PDLIM7: variants seen among roughly 807,000 people sequenced by gnomAD.
PDLIM7 encodes the protein PDZ and LIM domain protein 7.
PDLIM7 carries 37 observed loss-of-function variants against 53.9 expected under a neutral mutation model. The observed-to-expected ratio is 0.69, with a 90% CI of 0.53 to 0.90. PDLIM7 has a LOEUF of 0.90. Ranked by LOEUF, PDLIM7 falls within the 40% of genes least tolerant of loss-of-function variation. The pLI, the probability that PDLIM7 is intolerant of heterozygous loss-of-function variation, is 0.00. For synonymous variants in PDLIM7, 300 were observed against 261.3 expected (o/e 1.15, Z -1.43); for missense variants, 617 against 638.5 (o/e 0.97, Z 0.36).
chr5:177,485,430 A>G (rs1403450804), intron 10 of PDLIM7, among the ~76,000 whole-genome samples: 1 of 152,194 alleles, frequency 6.6e-6, no homozygotes, highest in African/African-American at 2.4e-5. Flanking sequence ...TCGAGGCGGT[A>G]TGAGGGTCCA....
chr5:177,491,277 C>T, intron 5 of PDLIM7, 131 bp from the exon 6 acceptor site: 1 of 1,442,464 alleles, frequency 6.9e-7, no homozygotes, highest in Non-Finnish European at 9.5e-7. Context: ...GCCAGGAGCC[C>T]TGCTGGGCGG....
intron 9 of PDLIM7, 36 bp downstream of exon 9, chr5:177,489,357 G>GGGAAAGCCAGGGTC (rs1190543656): frequency 6.9e-7 from 1 of 1,458,980 alleles, no homozygotes; most frequent in Non-Finnish European, 9.3e-7. Context: ...GCTGCAGGAT[G>GGGAAAGCCAGGGTC]GGAAAGCCAG....
chr5:177,496,356 C>T lies in PDLIM7; in HGVS notation c.96+61G>A, dbSNP rs1197383885. The T allele has an allele frequency of 4.7e-6, 6 of 1,285,164 alleles. No homozygotes were observed. The East Asian group carries it at 1.6e-4, about 35-fold the overall frequency. The allele number at this position is 1,285,164 out of a possible 1,614,324, so 79.6% of individuals were successfully genotyped here. ...TCCTGTTAGGACTCCCCCCATCACC[C>T]TCTGGAGACCTAAGCACCGAAAGAC... On this transcript the variant is annotated intron_variant, in intron 2 of 12. Transcript: ENST00000355841.
chr5:177,490,395 G>C lies in PDLIM7; in HGVS notation c.572+475C>G, dbSNP rs73349168. Reference sequence around the variant, plus strand: ...GAGGCTCAGGCCAGGGGCACGAAAGGGGGGGTGAGGTAGGCAGAAGCTGGA... The same window carrying C: ...GAGGCTCAGGCCAGGGGCACGAAAGCGGGGGTGAGGTAGGCAGAAGCTGGA... On this transcript the variant is annotated intron_variant, in intron 7 of 12. Transcript: ENST00000355841. The C allele has an allele frequency of 2.3e-3, 3,412 of 1,487,044 alleles. 62 individuals carry two copies. The African/African-American group carries it at 0.038, about 16-fold the overall frequency. 92.1% of individuals were successfully genotyped at this position (1,487,044 alleles called of 1,614,324 possible). A position where few individuals can be genotyped will look rare whatever the true frequency, so the allele number is the denominator to read the frequency against.
chr5:177,492,521 C>T lies in PDLIM7; in HGVS notation c.248+5G>A, dbSNP rs771306853. 1.9e-6 allele frequency: 3 copies of T among 1,613,766 alleles called. No individual in the cohort carries two copies. The highest frequency in any genetic ancestry group is 2.5e-6 in the Non-Finnish European group (3 of 1,179,788). ...GGGCGCACCCATCCATGTCCACCCGCATACCTGCTGAGGCCCAGGCTGAGG... is the reference window on the plus strand; with the variant it reads ...GGGCGCACCCATCCATGTCCACCCGTATACCTGCTGAGGCCCAGGCTGAGG... On this transcript the variant is annotated splice_donor_5th_base_variant and intron_variant, in intron 3 of 12. Transcript: ENST00000355841.
chr5:177,489,586 C>T lies in PDLIM7; in HGVS notation c.676G>A (p.Val226Met). 2 of 1,608,108 alleles carry T rather than the reference C, an allele frequency of 1.2e-6. No homozygotes were observed. ...PSPTSRPPWAVDPAFAERYAP... is the reference protein window; with the variant it reads ...PSPTSRPPWAMDPAFAERYAP... ...TAGCGCTCGGCAAACGCAGGGTCCA[C>T]AGCCCAGGGCGGGCGGCTGGTAGGG... Residue 226 changes from valine (V) to methionine (M), a missense_variant, in exon 9 of 13, where the codon GTG (valine) becomes ATG (methionine). Coordinates refer to ENST00000355841, the MANE Select transcript of PDLIM7 (RefSeq NM_005451.5).
At chr5:177,490,544 C>T in intron 7 of PDLIM7, 3 of 1,567,644 alleles carry the variant, frequency 1.9e-6, no homozygotes, top group Non-Finnish European at 2.6e-6. Context: ...TGGTGCCAGT[C>T]CCGGAGGCGG....
chr5:177,490,969 G>A (rs369557748), intron 6 of PDLIM7, 41 bp downstream of exon 6: 1 of 1,613,938 alleles, frequency 6.2e-7, no homozygotes, highest in Admixed American at 1.7e-5. Flanking sequence ...CGCCTGGGCT[G>A]GGGGCGAGGA....
rs199782041 is a variant in PDLIM7, at chr5:177,491,131, C to A, written c.414G>T (p.Pro138=). 2 of 1,438,580 alleles carry A rather than the reference C, an allele frequency of 1.4e-6. No individual in the cohort carries two copies. The highest frequency in any genetic ancestry group is 1.9e-5 in the Admixed American group (1 of 53,928). The allele number at this position is 1,438,580 out of a possible 1,614,324, so 89.1% of individuals were successfully genotyped here. Residue 138 remains proline (P), a synonymous_variant, in exon 6 of 13, where the codon CCG becomes CCT. Coordinates refer to ENST00000355841, the MANE Select transcript of PDLIM7 (RefSeq NM_005451.5). ...APQQNGQPLR[P]LVPDASKQRL... ...GCTGCTTGCTGGCATCTGGGACCAGCGGTCGGAGCGGCTGTCTGTGGGGAG... is the reference window on the plus strand; with the variant it reads ...GCTGCTTGCTGGCATCTGGGACCAGAGGTCGGAGCGGCTGTCTGTGGGGAG...
intron 4 of PDLIM7, 141 bp from the exon 5 acceptor site, chr5:177,492,066 C>G: frequency 2.6e-6 from 1 of 389,940 alleles, no homozygotes; most frequent in Non-Finnish European, 4.5e-6. Context: ...TTGGAGGCTA[C>G]GGGGAGAGGA....
At position 177,490,922 on chromosome 5, in the gene PDLIM7, C is replaced by T. The variant is rs765295749; in HGVS notation, c.536-16G>A. ...GGGTCTTGCACTGAGAGGGCAGAGG[C>T]AGGCATTGACCAAAAAAGACACAGG... On this transcript the variant is annotated splice_polypyrimidine_tract_variant and intron_variant, in intron 6 of 12. Coordinates refer to ENST00000355841, the MANE Select transcript of PDLIM7 (RefSeq NM_005451.5). 2 of 1,614,090 alleles carry T rather than the reference C, an allele frequency of 1.2e-6. No individual in the cohort carries two copies. Among genetic ancestry groups the T allele is most frequent in the South Asian group, 2.2e-5 (2 of 91,084 alleles).
At chr5:177,497,007 AG>A (rs762408662) in intron 1 of PDLIM7, 7 of 41,470 alleles carry the variant, frequency 1.7e-4, no homozygotes, top group African/African-American at 6.9e-4. Context: ...TTGGGACGCG[AG>A]GGGGGGGGGA....
intron 7 of PDLIM7, chr5:177,490,625 G>A (rs1173352692): frequency 8.8e-6 from 13 of 1,475,022 alleles, no homozygotes; most frequent in Non-Finnish European, 1.2e-5. Context: ...AGGAAGAAGT[G>A]GAAGGAAGGA....
intron 10 of PDLIM7, among the ~76,000 whole-genome samples, chr5:177,486,614 C>T (rs752371096): frequency 1.3e-4 from 20 of 152,038 alleles, no homozygotes; most frequent in Non-Finnish European, 4.4e-5. Context: ...AGGGCAGGAG[C>T]CCAAGGCTGG....
intron 2 of PDLIM7, among the ~76,000 whole-genome samples, chr5:177,495,526 C>G (rs1759027681): frequency 2.6e-5 from 4 of 152,210 alleles, no homozygotes; most frequent in African/African-American, 9.6e-5. Flanking sequence ...TCTGGGCAGG[C>G]AATTTGTTGT....
chr5:177,492,802 CAT>C, intron 2 of PDLIM7, 125 bp from the exon 3 acceptor site: 1 of 1,083,432 alleles, frequency 9.2e-7, no homozygotes, highest in Non-Finnish European at 1.3e-6. Context: ...CTTCATTCAA[CAT>C]AGTTCTAGGC....
At chr5:177,491,640 G>C in intron 5 of PDLIM7, 167 bp downstream of exon 5, 1 of 619,718 alleles carries the variant, frequency 1.6e-6, no homozygotes, top group Non-Finnish European at 2.8e-6. Context: ...AGGCGCCACA[G>C]CCTCGGGAGG....
chr5:177,492,982 C>T (rs1758884726), intron 2 of PDLIM7: 2 of 411,508 alleles, frequency 4.9e-6, no homozygotes, highest in South Asian at 3.3e-5. Context: ...CACCCTCCCC[C>T]ACAGTCCAGA....
Position 177,489,508 on chromosome 5 carries a change from G to GCGTGGC in PDLIM7, c.748_753dup (p.Ala250_Thr251dup). 6.2e-7 allele frequency: 1 copy of GCGTGGC among 1,609,098 alleles called. No homozygotes were observed. The highest frequency in any genetic ancestry group is 1.1e-5 in the South Asian group (1 of 90,190). On this transcript the variant is annotated inframe_insertion, in exon 9 of 13. Coordinates refer to ENST00000355841, the MANE Select transcript of PDLIM7 (RefSeq NM_005451.5). The stretch of plus-strand genomic sequence containing the variant: ...GAGGTGCGGCTCTGCAGCGGCGTGG[G>GCGTGGC]CGTGGCCGGCTGGCTGTGCCGGGTC...
Sources: gnomAD v4.1 joint callset for allele counts (sites outside exome capture counted in the v4.1 genomes callset) on GRCh38, gnomAD v4.1.1 for gene constraint, MANE v1.5 for transcripts, NCBI Gene and HGNC (gene_info 2026-07-23, HGNC 2026-07-21) for gene names.